UNC5C: variants seen among roughly 807,000 people sequenced by gnomAD.
The protein encoded by UNC5C is unc-5 netrin receptor C.
A neutral mutation model predicts 99.8 loss-of-function variants in UNC5C; 47 were observed. The observed-to-expected ratio is 0.47, with a 90% CI of 0.37 to 0.60. The LOEUF (loss-of-function observed/expected upper bound fraction) is 0.60. UNC5C is among the 20% of genes least tolerant of loss of function. UNC5C has a pLI of 0.00. For missense variants in UNC5C, 1,062 were observed against 1,165.9 expected, an observed-to-expected ratio of 0.91 and a Z score of 1.30; for synonymous variants, 487 against 452.2, an observed-to-expected ratio of 1.08 and a Z score of -0.98.
intron 1 of UNC5C, among the ~76,000 whole-genome samples, chr4:95,375,171 A>G (rs1744856666): frequency 2.0e-5 from 3 of 152,186 alleles, no homozygotes; most frequent in African/African-American, 7.2e-5. Context: ...AAGCTAAATT[A>G]AGAAATGATG....
chr4:95,201,413 A>C (rs924143967), intron 12 of UNC5C, among the ~76,000 whole-genome samples: 3 of 151,934 alleles, frequency 2.0e-5, no homozygotes, highest in Admixed American at 6.6e-5. Context: ...ACTTTGACTC[A>C]CCTTTTCACT....
chr4:95,518,689 C>A (rs1722276018), intron 1 of UNC5C, among the ~76,000 whole-genome samples: 2 of 152,210 alleles, frequency 1.3e-5, no homozygotes, highest in Non-Finnish European at 2.9e-5. Context: ...TACATGTTTT[C>A]ATTTCATTTG....
intron 4 of UNC5C, among the ~76,000 whole-genome samples, chr4:95,270,339 G>A (rs148357445): frequency 2.1e-4 from 32 of 152,244 alleles, no homozygotes; most frequent in African/African-American, 7.0e-4. Flanking sequence ...CCTTTCAGTA[G>A]GTTTGTGCAA....
intron 1 of UNC5C, among the ~76,000 whole-genome samples, chr4:95,458,393 C>G (rs2149469961): frequency 6.6e-6 from 1 of 152,142 alleles, no homozygotes; most frequent in East Asian, 1.9e-4. Flanking sequence ...AAAATACATA[C>G]AGTAGAATTT....
intron 1 of UNC5C, among the ~76,000 whole-genome samples, chr4:95,504,536 A>T (rs981371862): frequency 6.6e-6 from 1 of 152,114 alleles, no homozygotes; most frequent in Non-Finnish European, 1.5e-5. Flanking sequence ...AATCATGATC[A>T]AGGTACTGAA....
At position 95,371,588 on chromosome 4, in the gene UNC5C, C is replaced by T. The variant is rs1326806698; in HGVS notation, c.125-35957G>A. Among the ~76,000 whole-genome samples, 5 of 152,224 alleles carry T rather than the reference C, an allele frequency of 3.3e-5. No individual in the cohort carries two copies. The East Asian group carries it at 9.6e-4, about 29-fold the overall frequency. ...TGTGAATTTGGATGAGTTACTTAAC[C>T]TCTCTGTGTCTTGTTTTTTTCACTT... On this transcript the variant is annotated intron_variant, in intron 1 of 15. Transcript: ENST00000453304.
intron 1 of UNC5C, among the ~76,000 whole-genome samples, chr4:95,435,210 C>T (rs1014848573): frequency 2.6e-5 from 4 of 152,078 alleles, no homozygotes; most frequent in Non-Finnish European, 5.9e-5. Flanking sequence ...GGTGTCACTT[C>T]TCAGTGCAAA....
chr4:95,219,033 A>G lies in UNC5C; in HGVS notation c.1581T>C (p.Asp527=). The G allele has an allele frequency of 6.2e-7, 1 of 1,614,190 alleles. No individual in the cohort carries two copies. Among genetic ancestry groups the G allele is most frequent in the Non-Finnish European group, 8.5e-7 (1 of 1,180,032 alleles). ...AGCTGCCAAATGCGGTACAGGATGGATCAGTCTGCCTTGCTAGACTCTGGT... is the reference window on the plus strand; with the variant it reads ...AGCTGCCAAATGCGGTACAGGATGGGTCAGTCTGCCTTGCTAGACTCTGGT... The part of the protein sequence containing the change: ...LKNQSLARQT[D]PSCTAFGSFN... The change falls in exon 9 of 16, where the codon GAT becomes GAC. Residue 527 remains aspartate (D), a synonymous_variant. Coordinates refer to ENST00000453304, the MANE Select transcript of UNC5C (RefSeq NM_003728.4).
chr4:95,425,400 C>A (rs2149458127), intron 1 of UNC5C, among the ~76,000 whole-genome samples: 1 of 152,368 alleles, frequency 6.6e-6, no homozygotes, highest in East Asian at 1.9e-4. Flanking sequence ...CGGCTCACTG[C>A]AAGCTCCGCC....
chr4:95,187,369 A>C (rs928722853), intron 12 of UNC5C, among the ~76,000 whole-genome samples: 5 of 152,216 alleles, frequency 3.3e-5, no homozygotes, highest in African/African-American at 1.2e-4. Flanking sequence ...ATTATGTCGA[A>C]ATTATCTCCC....
intron 1 of UNC5C, among the ~76,000 whole-genome samples, chr4:95,360,386 G>A (rs1346711319): frequency 6.6e-6 from 1 of 152,110 alleles, no homozygotes; most frequent in Admixed American, 6.6e-5. Flanking sequence ...AGTAAGACAC[G>A]AATGGCACAG....
chr4:95,243,254 T>C (rs1175439541), intron 6 of UNC5C, among the ~76,000 whole-genome samples: 1 of 152,184 alleles, frequency 6.6e-6, no homozygotes, highest in Non-Finnish European at 1.5e-5. Context: ...AAATTTTAGG[T>C]AAGTCCCTAA....
At chr4:95,331,692 T>C (rs1030099612) in intron 2 of UNC5C, among the ~76,000 whole-genome samples, 2 of 152,142 alleles carry the variant, frequency 1.3e-5, no homozygotes, top group Non-Finnish European at 1.5e-5. Flanking sequence ...ATTTATAAGG[T>C]AGTCTTATTC....
chr4:95,180,306 G>GAAAC (rs1349275346), intron 14 of UNC5C, among the ~76,000 whole-genome samples: 2 of 152,324 alleles, frequency 1.3e-5, no homozygotes, highest in East Asian at 1.9e-4. Flanking sequence ...GCCTGTAACT[G>GAAAC]AAACAAAATA....
At chr4:95,414,223 C>A (rs570588641) in intron 1 of UNC5C, among the ~76,000 whole-genome samples, 59 of 152,050 alleles carry the variant, frequency 3.9e-4, no homozygotes, top group Non-Finnish European at 7.6e-4. Flanking sequence ...ACCTCCCCCC[C>A]ACAAAAAATA....
intron 1 of UNC5C, among the ~76,000 whole-genome samples, chr4:95,411,478 T>C (rs1258912794): frequency 6.6e-6 from 1 of 152,242 alleles, no homozygotes; most frequent in Non-Finnish European, 1.5e-5. Flanking sequence ...TGGTTTCTTT[T>C]AGAAGTTCCT....
intron 1 of UNC5C, among the ~76,000 whole-genome samples, chr4:95,467,632 T>C (rs765168676): frequency 6.6e-6 from 1 of 152,118 alleles, no homozygotes; most frequent in Non-Finnish European, 1.5e-5. Flanking sequence ...TGCATAAAAG[T>C]ATTGATTCCA....
At chr4:95,253,322 A>G (rs1291542684) in intron 4 of UNC5C, among the ~76,000 whole-genome samples, 1 of 152,198 alleles carries the variant, frequency 6.6e-6, no homozygotes, top group Non-Finnish European at 1.5e-5. Flanking sequence ...GGATATTAGA[A>G]ACCACTTGTT....
intron 3 of UNC5C, among the ~76,000 whole-genome samples, chr4:95,280,893 C>CT (rs11399758): frequency 0.22 from 33,180 of 152,008 alleles, 6,796 homozygotes; most frequent in African/African-American, 0.53. Context: ...ACACATCCCC[C>CT]GACATCTCTT....
Sources: gnomAD v4.1 joint callset for allele counts (sites outside exome capture counted in the v4.1 genomes callset) on GRCh38, gnomAD v4.1.1 for gene constraint, MANE v1.5 for transcripts, NCBI Gene and HGNC (gene_info 2026-07-23, HGNC 2026-07-21) for gene names.